The following SPTAN1 variants were observed in gnomAD, a reference collection of about 807,000 sequenced individuals.
SPTAN1 encodes the protein spectrin alpha, non-erythrocytic 1, also known as spectrin alpha chain, non-erythrocytic 1.
In SPTAN1, 61 loss-of-function variants were observed where a neutral mutation model predicts 331.3. That is an observed-to-expected ratio of 0.18 (90% CI 0.15 to 0.23). The LOEUF (loss-of-function observed/expected upper bound fraction) is 0.23, where lower values mean the gene tolerates loss of function less well. Ranked by LOEUF, SPTAN1 falls within the 10% of genes least tolerant of loss-of-function variation. The pLI is 1.00. For missense variants in SPTAN1, 2,043 were observed against 3,147.9 expected, an observed-to-expected ratio of 0.65 and a Z score of 8.40; for synonymous variants, 1,153 against 1,173.9, an observed-to-expected ratio of 0.98 and a Z score of 0.36.
At chr9:128,590,567 A>AAAAC (rs1407095457) in intron 21 of SPTAN1, among the ~76,000 whole-genome samples, 1 of 149,980 alleles carries the variant, frequency 6.7e-6, no homozygotes, top group Non-Finnish European at 1.5e-5. Context: ...AAAAAAAAAA[A>AAAAC]AGGGCCAGGC....
intron 2 of SPTAN1, among the ~76,000 whole-genome samples, chr9:128,567,436 C>T (rs1332320398): frequency 2.6e-5 from 4 of 152,242 alleles, no homozygotes; most frequent in Admixed American, 6.5e-5. Context: ...GGATTACAGG[C>T]GCCTGCCACT....
intron 1 of SPTAN1, among the ~76,000 whole-genome samples, chr9:128,556,202 C>T (rs911426329): frequency 1.7e-4 from 26 of 151,644 alleles, no homozygotes; most frequent in African/African-American, 6.1e-4. Flanking sequence ...GCCCAGGTGA[C>T]AGTGCGAGAC....
chr9:128,582,361 C>T, intron 12 of SPTAN1, 118 bp from the exon 13 acceptor site: 1 of 905,732 alleles, frequency 1.1e-6, no homozygotes, highest in Admixed American at 2.0e-5. Context: ...TGGGTGAAAA[C>T]CTTGACCTAT....
rs566516976 is a variant in SPTAN1 at position 128,576,032 on chromosome 9, C to T, written c.651+687C>T. Among the ~76,000 whole-genome samples the T allele has an allele frequency of 1.1e-4, 17 of 152,210 alleles. No individual in the cohort carries two copies. The South Asian group carries it at 1.9e-3, about 17-fold the overall frequency. On this transcript the variant is annotated intron_variant, in intron 5 of 56. Coordinates refer to ENST00000372739, the MANE Select transcript of SPTAN1 (RefSeq NM_001130438.3). Reference sequence around the variant, plus strand: ...GGCCAGTGATTAAGAGAAAGATACCCGGCATTCCTCAGAAATATCTCACCC... The same window carrying T: ...GGCCAGTGATTAAGAGAAAGATACCTGGCATTCCTCAGAAATATCTCACCC...
intron 1 of SPTAN1, among the ~76,000 whole-genome samples, chr9:128,553,940 A>T (rs1848390913): frequency 6.6e-6 from 1 of 152,224 alleles, no homozygotes; most frequent in Non-Finnish European, 1.5e-5. Flanking sequence ...GCCAGGAAAC[A>T]GAAAATCTTG....
chr9:128,563,715 CTT>C (rs532597370), intron 1 of SPTAN1, among the ~76,000 whole-genome samples: 69 of 133,384 alleles, frequency 5.2e-4, no homozygotes, highest in Admixed American at 9.1e-4. Context: ...TCAACCATTT[CTT>C]TTTTTTTTTT....
At position 128,580,950 on chromosome 9, in the gene SPTAN1, C is replaced by A. The variant is rs149336930; in HGVS notation, c.1352C>A (p.Ala451Glu). Residue 451 changes from alanine (A) to glutamate (E), a missense_variant, in exon 11 of 57, where the codon GCG becomes GAG. Around this residue, in one of 12 missense-constraint regions of SPTAN1, gnomAD observed 1,038 missense variants for 1,531.5 expected, o/e 0.68. Coordinates refer to ENST00000372739, the MANE Select transcript of SPTAN1 (RefSeq NM_001130438.3). ...ACCGTCCTTTCCGAGGAGAGAGCGGCGCTGCTGGAGCTGTGGGAGCTGCGC... is the reference window on the plus strand; with the variant it reads ...ACCGTCCTTTCCGAGGAGAGAGCGGAGCTGCTGGAGCTGTGGGAGCTGCGC... The part of the protein sequence containing the change: ...KLTVLSEERA[A>E]LLELWELRRQ... 7 of 1,613,360 alleles carry A rather than the reference C, an allele frequency of 4.3e-6. No homozygotes were observed. The highest frequency in any genetic ancestry group is 5.9e-6 in the Non-Finnish European group (7 of 1,180,026).
Position 128,584,755 on chromosome 9 carries a change from G to A in SPTAN1, c.2472G>A (p.Lys824=). ...KDLIGVQNLL[K]KHQALQAEIA... Reference sequence around the variant, plus strand: ...TAATTGGGGTCCAGAATCTGCTAAAGAAACATCAAGCCTTACAAGCAGAAA... The same window carrying A: ...TAATTGGGGTCCAGAATCTGCTAAAAAAACATCAAGCCTTACAAGCAGAAA... The change falls in exon 18 of 57, where the codon AAG becomes AAA. Residue 824 remains lysine, a synonymous_variant. Transcript: ENST00000372739. The A allele has an allele frequency of 6.2e-7, 1 of 1,614,204 alleles. No individual in the cohort carries two copies. The highest frequency in any genetic ancestry group is 8.5e-7 in the Non-Finnish European group (1 of 1,180,052).
At chr9:128,620,659 A>C (rs1489103590) in intron 44 of SPTAN1, among the ~76,000 whole-genome samples, 1 of 152,192 alleles carries the variant, frequency 6.6e-6, no homozygotes, top group Non-Finnish European at 1.5e-5. Context: ...CAGAGGTTGC[A>C]GTGAGCCAAG....
At chr9:128,568,966 G>A in intron 3 of SPTAN1, 69 bp downstream of exon 3, 1 of 1,603,488 alleles carries the variant, frequency 6.2e-7, no homozygotes. Flanking sequence ...ATGCATACAT[G>A]TCAGTTTGGG....
chr9:128,572,308 G>T (rs1008333760), intron 3 of SPTAN1, among the ~76,000 whole-genome samples: 1 of 150,416 alleles, frequency 6.6e-6, no homozygotes, highest in Non-Finnish European at 1.5e-5. Context: ...TGTCCACCCC[G>T]TCAGCTTTCC....
chr9:128,582,880 C>T (rs372231764), intron 14 of SPTAN1, 31 bp downstream of exon 14: 73 of 1,610,198 alleles, frequency 4.5e-5, no homozygotes, highest in Non-Finnish European at 5.5e-5. Flanking sequence ...CCATGTAGCA[C>T]TCGATTAGTA....
intron 51 of SPTAN1, chr9:128,628,289 G>C: frequency 2.3e-6 from 1 of 432,646 alleles, no homozygotes; most frequent in Non-Finnish European, 4.4e-6. Context: ...GGCTCTGTTG[G>C]GCTCTCACCT....
chr9:128,588,374 T>G (rs1336268696), intron 20 of SPTAN1, among the ~76,000 whole-genome samples: 1 of 131,142 alleles, frequency 7.6e-6, no homozygotes, highest in African/African-American at 2.9e-5. Flanking sequence ...TGCATTGGCC[T>G]GATCTTGGCT....
Position 128,591,525 on chromosome 9 carries a change from G to A in SPTAN1, c.3055G>A (p.Ala1019Thr). 6.2e-7 allele frequency: 1 copy of A among 1,614,182 alleles called. No individual in the cohort carries two copies. The change falls in exon 22 of 57, where the codon GCG (alanine) becomes ACG (threonine). Residue 1019 changes from alanine to threonine, a missense_variant. Coordinates refer to ENST00000372739, the MANE Select transcript of SPTAN1 (RefSeq NM_001130438.3). The stretch of plus-strand genomic sequence containing the variant: ...CGATCGTCAGGGTTTTGTGCCGGCT[G>A]CGTACGTGAAGAAATTGGACCCCGC... ...VNDRQGFVPA[A>T]YVKKLDPAQS...
intron 3 of SPTAN1, among the ~76,000 whole-genome samples, chr9:128,573,081 C>T (rs1850913356): frequency 1.3e-5 from 2 of 152,316 alleles, no homozygotes; most frequent in Non-Finnish European, 2.9e-5. Flanking sequence ...GGATCCCAGA[C>T]TTCTTTTCTG....
At chr9:128,589,968 T>A (rs1436381397) in intron 21 of SPTAN1, among the ~76,000 whole-genome samples, 1 of 152,204 alleles carries the variant, frequency 6.6e-6, no homozygotes, top group African/African-American at 2.4e-5. Flanking sequence ...CTTTGTCTTC[T>A]TTAGGCTAAA....
At chr9:128,555,078 A>G (rs1437113851) in intron 1 of SPTAN1, among the ~76,000 whole-genome samples, 1 of 152,150 alleles carries the variant, frequency 6.6e-6, no homozygotes, top group Non-Finnish European at 1.5e-5. Flanking sequence ...CAAGTGGGGA[A>G]ATTGAGGCCC....
intron 9 of SPTAN1, among the ~76,000 whole-genome samples, chr9:128,578,876 G>A (rs1195585314): frequency 6.7e-6 from 1 of 149,602 alleles, no homozygotes; most frequent in East Asian, 1.9e-4. Context: ...GTTTTAATGT[G>A]CTAGATACAA....
Sources: gnomAD v4.1 joint callset for allele counts (sites outside exome capture counted in the v4.1 genomes callset) on GRCh38, gnomAD v4.1.1 for gene constraint, gnomAD v4.1.1 regional missense constraint, MANE v1.5 for transcripts, NCBI Gene and HGNC (gene_info 2026-07-23, HGNC 2026-07-21) for gene names.